CCDC3: variants seen among roughly 807,000 people sequenced by gnomAD.
CCDC3 encodes coiled-coil domain containing 3.
In CCDC3, 24 loss-of-function variants were observed where a neutral mutation model predicts 21.4. That is an observed-to-expected ratio of 1.12 (90% CI 0.81 to 1.58). The LOEUF (loss-of-function observed/expected upper bound fraction) is 1.58, where lower values mean the gene tolerates loss of function less well. Among genes scored for constraint, CCDC3 ranks in the 40% most tolerant of loss-of-function variants. The pLI is 0.00. For missense variants in CCDC3, 425 were observed against 360.9 expected, an observed-to-expected ratio of 1.18 and a Z score of -1.44; for synonymous variants, 186 against 166.0, an observed-to-expected ratio of 1.12 and a Z score of -0.93.
chr10:13,040,244 A>G (rs1353449067), intron 5 of CCDC3, among the ~76,000 whole-genome samples: 4 of 152,080 alleles, frequency 2.6e-5, no homozygotes, highest in African/African-American at 9.7e-5. Flanking sequence ...GAAAGACCCC[A>G]CTGTGTCAAC....
At position 12,994,810 on chromosome 10, in the gene CCDC3, G is replaced by A. The variant is rs535709527; in HGVS notation, c.549+3528C>T. ...AAAAGCAGCAAGTAGGCCAGGCACG[G>A]TGGCTCACGCCTGTAATCCCAGCAC... On this transcript the variant is annotated intron_variant, in intron 2 of 2. Coordinates refer to ENST00000378825, the MANE Select transcript of CCDC3 (RefSeq NM_031455.4). Among the ~76,000 whole-genome samples, 204 of 152,166 alleles carry A rather than the reference G, an allele frequency of 1.3e-3. 2 individuals are homozygous for A. Among genetic ancestry groups the A allele is most frequent in the African/African-American group, 4.7e-3 (197 of 41,484 alleles).
chr10:13,073,797 T>C (rs1197746927), intron 4 of CCDC3: 1 of 152,122 alleles, frequency 6.6e-6, no homozygotes, highest in Non-Finnish European at 1.5e-5. Context: ...CAAGACATTT[T>C]TTTTAAATGA....
chr10:13,041,311 C>T (rs1333236571), intron 5 of CCDC3, among the ~76,000 whole-genome samples: 4 of 151,838 alleles, frequency 2.6e-5, no homozygotes, highest in Admixed American at 1.3e-4. Context: ...TTTTGACATC[C>T]GACCAATTCT....
At chr10:12,955,181 TCA>T (rs1269151251) in intron 2 of CCDC3, among the ~76,000 whole-genome samples, 1 of 152,226 alleles carries the variant, frequency 6.6e-6, no homozygotes, top group Non-Finnish European at 1.5e-5. Context: ...AAGTGATGAA[TCA>T]CACAAAATTG....
intron 2 of CCDC3, among the ~76,000 whole-genome samples, chr10:12,979,224 A>C (rs1363164637): frequency 6.6e-6 from 1 of 152,128 alleles, no homozygotes; most frequent in Admixed American, 6.5e-5. Flanking sequence ...GCAAGACCAG[A>C]CATCAACCTT....
chr10:12,990,171 G>A (rs1835659947), intron 2 of CCDC3, among the ~76,000 whole-genome samples: 1 of 151,602 alleles, frequency 6.6e-6, no homozygotes, highest in South Asian at 2.1e-4. Context: ...GCAGGAGAAT[G>A]GTGTGAACCT....
chr10:13,046,856 G>C (rs11593010), intron 5 of CCDC3, among the ~76,000 whole-genome samples: 101,901 of 151,760 alleles, frequency 0.67, 34,532 homozygotes, highest in South Asian at 0.78. Context: ...ACTCAATTAG[G>C]TCTCCTCTCA....
chr10:12,999,061 G>A (rs537391374), intron 1 of CCDC3, among the ~76,000 whole-genome samples: 2 of 152,222 alleles, frequency 1.3e-5, no homozygotes, highest in African/African-American at 4.8e-5. Context: ...CCAACACAGT[G>A]AAACCCTGTC....
intron 2 of CCDC3, among the ~76,000 whole-genome samples, chr10:12,978,243 T>A (rs1217829813): frequency 6.6e-6 from 1 of 152,078 alleles, no homozygotes; most frequent in Non-Finnish European, 1.5e-5. Flanking sequence ...GGTCTCAAAC[T>A]CCTGACCTCA....
Position 12,960,534 on chromosome 10 carries a change from G to A in CCDC3, c.549+37804C>T, listed in dbSNP as rs144786007. Among the ~76,000 whole-genome samples the A allele has an allele frequency of 6.0e-4, 92 of 152,298 alleles. 2 individuals carry two copies. In the East Asian group the frequency reaches 0.017, roughly 28 times the overall value. On this transcript the variant is annotated intron_variant, in intron 2 of 2. Transcript: ENST00000378825. ...TGACATTCCAGCCCTGAGCAGTGTTGGGTAAACAGACCGAAGCCCAAGATG... is the reference window on the plus strand; with the variant it reads ...TGACATTCCAGCCCTGAGCAGTGTTAGGTAAACAGACCGAAGCCCAAGATG...
At chr10:13,005,627 C>G (rs945433371), upstream of CCDC3, among the ~76,000 whole-genome samples, 3 of 152,158 alleles carry the variant, frequency 2.0e-5, no homozygotes, top group Non-Finnish European at 4.4e-5. Flanking sequence ...CACTAAAACC[C>G]CAGAGTTTTG....
intron 3 of CCDC3, among the ~76,000 whole-genome samples, chr10:13,087,997 T>G (rs1418939961): frequency 1.3e-5 from 2 of 152,210 alleles, no homozygotes; most frequent in Non-Finnish European, 2.9e-5. Context: ...AAAGTCTTTG[T>G]GTGCGTTTGA....
intron 4 of CCDC3, among the ~76,000 whole-genome samples, chr10:13,065,913 T>C (rs1210695487): frequency 2.6e-5 from 4 of 152,130 alleles, no homozygotes; most frequent in Non-Finnish European, 5.9e-5. Flanking sequence ...CTATAAATGT[T>C]TGTTGAATTA....
chr10:12,964,375 A>AG (rs988902422), intron 2 of CCDC3, among the ~76,000 whole-genome samples: 2 of 40,028 alleles, frequency 5.0e-5, no homozygotes, highest in Non-Finnish European at 2.4e-4. Flanking sequence ...TCCATCTTAA[A>AG]GAAAAAAAAA....
intron 5 of CCDC3, among the ~76,000 whole-genome samples, chr10:13,028,840 T>C (rs868398111): frequency 8.5e-5 from 13 of 152,194 alleles, no homozygotes; most frequent in African/African-American, 3.1e-4. Flanking sequence ...CTTCTGCCTC[T>C]TGAGAAGTAA....
chr10:13,053,556 TA>T (rs1441603868), intron 4 of CCDC3, among the ~76,000 whole-genome samples: 3 of 152,066 alleles, frequency 2.0e-5, no homozygotes, highest in Non-Finnish European at 4.4e-5. Context: ...ACTCCATCTC[TA>T]AAATAATAAA....
At chr10:12,931,995 T>C (rs901395944) in intron 2 of CCDC3, among the ~76,000 whole-genome samples, 20 of 152,220 alleles carry the variant, frequency 1.3e-4, no homozygotes, top group Admixed American at 1.1e-3. Context: ...GTACCTCCTG[T>C]TCCCACATAT....
intron 2 of CCDC3, among the ~76,000 whole-genome samples, chr10:12,905,628 C>T (rs926658439): frequency 3.9e-5 from 6 of 152,186 alleles, no homozygotes; most frequent in East Asian, 1.9e-4. Flanking sequence ...AAGGTCTCCA[C>T]GATCCTTGTC....
chr10:13,077,644 C>T (rs1836983299), intron 3 of CCDC3, among the ~76,000 whole-genome samples: 1 of 151,970 alleles, frequency 6.6e-6, no homozygotes, highest in Admixed American at 6.5e-5. Flanking sequence ...CAGCACAGTA[C>T]TGGTACCAAA....
Sources: gnomAD v4.1 joint callset for allele counts (sites outside exome capture counted in the v4.1 genomes callset) on GRCh38, gnomAD v4.1.1 for gene constraint, MANE v1.5 for transcripts, NCBI Gene and HGNC (gene_info 2026-07-23, HGNC 2026-07-21) for gene names.